CMIP: variants seen among roughly 807,000 people sequenced by gnomAD.
CMIP encodes C-Maf-inducing protein.
A neutral mutation model predicts 97.3 loss-of-function variants in CMIP; 13 were observed. The observed-to-expected ratio is 0.13, with a 90% CI of 0.09 to 0.21. The LOEUF is 0.21. Among genes scored for constraint, CMIP ranks in the 10% least tolerant of loss-of-function variants. The probability of loss-of-function intolerance (pLI) is 1.00; values close to 1 mark genes in which losing one functional copy is unlikely to be tolerated. For synonymous variants in CMIP, 538 were observed against 436.3 expected (o/e 1.23, Z -2.91); for missense variants, 847 against 1,024.9 (o/e 0.83, Z 2.37).
chr16:81,705,873 C>T lies in CMIP; in HGVS notation c.2197+269C>T, dbSNP rs150716819. On this transcript the variant is annotated intron_variant, in intron 19 of 20. Transcript: ENST00000537098. ...AAGGCCAGCCCATAGCCTCTTGACA[C>T]TCACAGTCCACTGAGGGGTCGAGTT... 1.6e-3 allele frequency among the ~76,000 whole-genome samples: 249 copies of T among 152,338 alleles called. 1 individual carries two copies. The highest frequency in any genetic ancestry group is 3.2e-3 in the Non-Finnish European group (219 of 68,034).
intron 1 of CMIP, chr16:81,475,972 G>A (rs1385290891): frequency 1.1e-5 from 5 of 474,106 alleles, no homozygotes; most frequent in African/African-American, 2.0e-5. Context: ...GGGTGACAGA[G>A]TGAGACTCCT....
intron 13 of CMIP, 128 bp from the exon 14 acceptor site, chr16:81,696,432 A>G: frequency 1.1e-6 from 1 of 907,694 alleles, no homozygotes; most frequent in Non-Finnish European, 1.7e-6. Context: ...GCTGGAGGAA[A>G]CAAAGTTAAG....
intron 1 of CMIP, among the ~76,000 whole-genome samples, chr16:81,600,016 C>A (rs2091631014): frequency 6.6e-6 from 1 of 151,838 alleles, no homozygotes; most frequent in Non-Finnish European, 1.5e-5. Flanking sequence ...AGTGGTGGCT[C>A]ACGCCTGTAA....
chr16:81,473,008 A>G (rs1907652058), intron 1 of CMIP, among the ~76,000 whole-genome samples: 1 of 152,172 alleles, frequency 6.6e-6, no homozygotes. Context: ...CAGTGGGCCA[A>G]GCTTACATAG....
chr16:81,543,322 C>T (rs956245654), intron 1 of CMIP, among the ~76,000 whole-genome samples: 1 of 152,186 alleles, frequency 6.6e-6, no homozygotes, highest in Non-Finnish European at 1.5e-5. Flanking sequence ...TACACGGCAG[C>T]CGGAGAGCGC....
intron 8 of CMIP, 24 bp from the exon 9 acceptor site, chr16:81,671,942 C>T (rs759778970): frequency 2.9e-6 from 4 of 1,399,524 alleles, no homozygotes; most frequent in Non-Finnish European, 4.0e-6. Flanking sequence ...AGGCTTCTCA[C>T]CCCAGCCCTC....
chr16:81,622,062 C>G (rs993393237), intron 3 of CMIP: 1 of 152,240 alleles, frequency 6.6e-6, no homozygotes, highest in Non-Finnish European at 1.5e-5. Flanking sequence ...TGAGCTCCTA[C>G]TGTGTGCCAG....
chr16:81,598,097 T>C (rs2091593359), intron 1 of CMIP, among the ~76,000 whole-genome samples: 2 of 152,144 alleles, frequency 1.3e-5, no homozygotes, highest in Admixed American at 1.3e-4. Flanking sequence ...GTACTAATCC[T>C]GACCACAAGG....
chr16:81,594,310 A>C (rs911209324), intron 1 of CMIP, among the ~76,000 whole-genome samples: 1 of 150,692 alleles, frequency 6.6e-6, no homozygotes, highest in Non-Finnish European at 1.5e-5. Flanking sequence ...GTAGAGACGG[A>C]GTTTCGCCAT....
intron 1 of CMIP, among the ~76,000 whole-genome samples, chr16:81,475,366 A>G (rs1476734058): frequency 7.2e-5 from 11 of 152,188 alleles, no homozygotes; most frequent in Non-Finnish European, 1.6e-4. Flanking sequence ...GCAATACCTG[A>G]TGTACCGTTC....
intron 1 of CMIP, among the ~76,000 whole-genome samples, chr16:81,511,078 A>G (rs531454511): frequency 2.6e-5 from 4 of 152,250 alleles, no homozygotes; most frequent in Non-Finnish European, 4.4e-5. Context: ...ATGAACCCCC[A>G]TGTACTCATC....
chr16:81,488,993 T>C (rs2089364354), intron 1 of CMIP, among the ~76,000 whole-genome samples: 1 of 151,836 alleles, frequency 6.6e-6, no homozygotes. Flanking sequence ...TTTCATTCAG[T>C]CTCTTCCCAT....
At chr16:81,610,670 G>C in intron 2 of CMIP, 1 of 329,538 alleles carries the variant, frequency 3.0e-6, no homozygotes, top group Non-Finnish European at 4.3e-6. Flanking sequence ...TGCCCACCGT[G>C]ATGCATGGGT....
At chr16:81,450,330 G>A (rs1458570560) in intron 1 of CMIP, among the ~76,000 whole-genome samples, 1 of 152,186 alleles carries the variant, frequency 6.6e-6, no homozygotes, top group Non-Finnish European at 1.5e-5. Flanking sequence ...GAACAGATTT[G>A]GGTTTTGCGT....
At chr16:81,548,522 C>G (rs776098442) in intron 1 of CMIP, among the ~76,000 whole-genome samples, 1 of 151,976 alleles carries the variant, frequency 6.6e-6, no homozygotes, top group Non-Finnish European at 1.5e-5. Flanking sequence ...CCCACAGCAC[C>G]CTTCCACCCC....
chr16:81,483,684 G>A (rs2089269483), intron 1 of CMIP, among the ~76,000 whole-genome samples: 1 of 152,178 alleles, frequency 6.6e-6, no homozygotes, highest in Non-Finnish European at 1.5e-5. Context: ...GCCTGGAGTA[G>A]CAGCCTTGCC....
At position 81,615,619 on chromosome 16, in the gene CMIP, T is replaced by TGTGTGTGTATGTGTAACTGTATG. The variant is rs1415657258; in HGVS notation, c.427-5242_427-5220dup. Among the ~76,000 whole-genome samples the TGTGTGTGTATGTGTAACTGTATG allele has an allele frequency of 4.3e-4, 61 of 143,172 alleles. 1 individual carries two copies. The East Asian group carries it at 0.012, about 29-fold the overall frequency. The allele number at this position is 143,172 out of a possible 152,430, so 93.9% of individuals were successfully genotyped here. ...GTGTGGTGTATGTGTCTTTGTGTGGTGTGTGTGTATGTGTAACTGTATGGT... is the reference window on the plus strand; with the variant it reads ...GTGTGGTGTATGTGTCTTTGTGTGGTGTGTGTGTATGTGTAACTGTATGGTGTGTGTATGTGTAACTGTATGGT... On this transcript the variant is annotated intron_variant, in intron 2 of 20. Transcript: ENST00000537098.
rs547777418 is a variant in CMIP, at chr16:81,593,923, C to T, written c.301-13644C>T. Among the ~76,000 whole-genome samples, 3 of 151,906 alleles carry T rather than the reference C, an allele frequency of 2.0e-5. No homozygotes were observed. In the East Asian group the frequency reaches 5.8e-4, roughly 30 times the overall value. On this transcript the variant is annotated intron_variant, in intron 1 of 20. Coordinates refer to ENST00000537098, the MANE Select transcript of CMIP (RefSeq NM_198390.3). The stretch of plus-strand genomic sequence containing the variant: ...CTTAAGGCAGGTACAGTATTCCTTC[C>T]CTTCCCTCTTCCCTCTACCCTTACC...
At chr16:81,487,901 G>C (rs963229286) in intron 1 of CMIP, among the ~76,000 whole-genome samples, 1 of 152,208 alleles carries the variant, frequency 6.6e-6, no homozygotes, top group Admixed American at 6.5e-5. Context: ...TGCAAACACG[G>C]TTACTAGACG....
Sources: gnomAD v4.1 joint callset for allele counts (sites outside exome capture counted in the v4.1 genomes callset) on GRCh38, gnomAD v4.1.1 for gene constraint, MANE v1.5 for transcripts, NCBI Gene and HGNC (gene_info 2026-07-23, HGNC 2026-07-21) for gene names.